LRMDA: variants seen among roughly 807,000 people sequenced by gnomAD.
The protein encoded by LRMDA is leucine-rich melanocyte differentiation-associated protein.
Under a neutral mutation model 29.8 loss-of-function variants are expected in LRMDA, and 18 were observed. That is an observed-to-expected ratio of 0.60 (90% confidence interval 0.42 to 0.90). The LOEUF (loss-of-function observed/expected upper bound fraction) is 0.90, where lower values mean the gene tolerates loss of function less well. Among genes scored for constraint, LRMDA ranks in the 40% least tolerant of loss-of-function variants. The pLI is 0.00. For synonymous variants in LRMDA, 125 were observed against 109.4 expected (o/e 1.14, Z -0.89); for missense variants, 273 against 273.9 (o/e 1.00, Z 0.02).
chr10:75,520,977 C>G (rs1250076955), intron 2 of LRMDA, among the ~76,000 whole-genome samples: 1 of 152,212 alleles, frequency 6.6e-6, no homozygotes, highest in Non-Finnish European at 1.5e-5. Flanking sequence ...TGCTGGAGGT[C>G]TACTCCAGAC....
At chr10:75,876,487 G>A (rs147308659) in intron 2 of LRMDA, among the ~76,000 whole-genome samples, 281 of 152,212 alleles carry the variant, frequency 1.8e-3, no homozygotes, top group African/African-American at 6.5e-3. Flanking sequence ...GAAAAAAATC[G>A]AAAGAAAAAT....
intron 2 of LRMDA, among the ~76,000 whole-genome samples, chr10:75,484,648 A>T (rs1844891047): frequency 6.6e-6 from 1 of 152,216 alleles, no homozygotes. Context: ...TTAAGGTTAA[A>T]TGAGGTCACA....
intron 2 of LRMDA, among the ~76,000 whole-genome samples, chr10:76,034,424 C>T (rs1848204587): frequency 6.6e-6 from 1 of 152,092 alleles, no homozygotes; most frequent in Admixed American, 6.5e-5. Flanking sequence ...CAAAATGTGT[C>T]CCCCCTCGGT....
intron 2 of LRMDA, among the ~76,000 whole-genome samples, chr10:75,454,524 T>C (rs1844493527): frequency 6.6e-6 from 1 of 152,164 alleles, no homozygotes; most frequent in Non-Finnish European, 1.5e-5. Flanking sequence ...GCACTGGAAT[T>C]GCCTGGTGGG....
intron 3 of LRMDA, among the ~76,000 whole-genome samples, chr10:76,040,609 A>C (rs1445868377): frequency 6.6e-6 from 1 of 152,038 alleles, no homozygotes; most frequent in Non-Finnish European, 1.5e-5. Context: ...ACGAGCATGC[A>C]CACGCCATCC....
chr10:75,596,841 G>T (rs1047299346), intron 2 of LRMDA, among the ~76,000 whole-genome samples: 6 of 152,176 alleles, frequency 3.9e-5, no homozygotes, highest in African/African-American at 1.4e-4. Context: ...GAGCAAATGT[G>T]ATACATGAGA....
intron 6 of LRMDA, among the ~76,000 whole-genome samples, chr10:76,398,513 A>AT (rs1327556474): frequency 6.6e-6 from 1 of 152,140 alleles, no homozygotes; most frequent in Admixed American, 6.5e-5. Flanking sequence ...TTAAGCTTGG[A>AT]TTTTTTTGCT....
intron 2 of LRMDA, among the ~76,000 whole-genome samples, chr10:75,821,526 T>C (rs1844157641): frequency 6.6e-6 from 1 of 152,102 alleles, no homozygotes; most frequent in Admixed American, 6.5e-5. Flanking sequence ...TCCCAGCACT[T>C]TGGGAGGCTG....
intron 2 of LRMDA, among the ~76,000 whole-genome samples, chr10:76,014,118 A>G (rs1847834434): frequency 7.5e-6 from 1 of 133,520 alleles, no homozygotes; most frequent in Admixed American, 7.6e-5. Context: ...ATATATATAT[A>G]TATATAATTA....
At chr10:75,758,977 C>T (rs1843064266) in intron 2 of LRMDA, among the ~76,000 whole-genome samples, 1 of 150,178 alleles carries the variant, frequency 6.7e-6, no homozygotes, top group African/African-American at 2.5e-5. Context: ...TCAAGAAGTT[C>T]ACTTGGTGAT....
intron 2 of LRMDA, among the ~76,000 whole-genome samples, chr10:75,620,600 T>C (rs901290901): frequency 2.0e-5 from 3 of 152,224 alleles, no homozygotes; most frequent in Admixed American, 6.5e-5. Context: ...TCACTTTGAA[T>C]GGACTTCCCT....
chr10:75,675,222 C>T (rs1388542616), intron 2 of LRMDA, among the ~76,000 whole-genome samples: 2 of 152,196 alleles, frequency 1.3e-5, no homozygotes, highest in Non-Finnish European at 2.9e-5. Flanking sequence ...AATACATACT[C>T]AACACTGGGA....
intron 6 of LRMDA, among the ~76,000 whole-genome samples, chr10:76,455,333 T>G (rs1408687403): frequency 6.6e-6 from 1 of 152,202 alleles, no homozygotes; most frequent in Non-Finnish European, 1.5e-5. Context: ...TTCTGAAGGT[T>G]TTAAAATGCT....
At chr10:76,476,781 C>G (rs1408288190) in intron 6 of LRMDA, among the ~76,000 whole-genome samples, 1 of 152,108 alleles carries the variant, frequency 6.6e-6, no homozygotes. Context: ...AGCATATAAA[C>G]AGAACCAAAG....
chr10:76,466,413 G>C lies in LRMDA; in HGVS notation c.602-90796G>C, dbSNP rs1218261772. Among the ~76,000 whole-genome samples the C allele has an allele frequency of 7.2e-5, 11 of 152,150 alleles. 1 individual carries two copies. In the East Asian group the frequency reaches 2.1e-3, roughly 29 times the overall value. On this transcript the variant is annotated intron_variant, in intron 6 of 6. Coordinates refer to ENST00000611255, the MANE Select transcript of LRMDA (RefSeq NM_001305581.2). Reference sequence around the variant, plus strand: ...CGTAGGCAGGACCTAACAGGTGTCCGCTGGCAAAAAAGAAGTGTAATCTGC... The same window carrying C: ...CGTAGGCAGGACCTAACAGGTGTCCCCTGGCAAAAAAGAAGTGTAATCTGC...
At chr10:75,920,464 T>C (rs898696479) in intron 2 of LRMDA, among the ~76,000 whole-genome samples, 1 of 152,178 alleles carries the variant, frequency 6.6e-6, no homozygotes, top group African/African-American at 2.4e-5. Flanking sequence ...TCAGCAATAT[T>C]AGTAGTCTTG....
intron 5 of LRMDA, among the ~76,000 whole-genome samples, chr10:76,247,914 AG>A (rs1156299765): frequency 2.6e-5 from 4 of 152,186 alleles, no homozygotes; most frequent in East Asian, 3.9e-4. Context: ...CTGGACCAAC[AG>A]TGAAGGTACC....
chr10:75,852,581 G>A (rs1433394750), intron 2 of LRMDA, among the ~76,000 whole-genome samples: 8 of 152,018 alleles, frequency 5.3e-5, no homozygotes, highest in African/African-American at 1.9e-4. Flanking sequence ...CTTGGGTGTG[G>A]TCTCAAAAAT....
intron 2 of LRMDA, among the ~76,000 whole-genome samples, chr10:75,441,274 C>G (rs1844324136): frequency 6.6e-6 from 1 of 152,158 alleles, no homozygotes; most frequent in African/African-American, 2.4e-5. Flanking sequence ...CGTGGGATTG[C>G]AGGGAGCATG....
Sources: gnomAD v4.1 joint callset for allele counts (sites outside exome capture counted in the v4.1 genomes callset) on GRCh38, gnomAD v4.1.1 for gene constraint, MANE v1.5 for transcripts, NCBI Gene and HGNC (gene_info 2026-07-23, HGNC 2026-07-21) for gene names.